Variants in MDGA2 observed in about 807,000 individuals in gnomAD.
MDGA2 encodes MAM domain containing glycosylphosphatidylinositol anchor 2.
Under a neutral mutation model 117.8 loss-of-function variants are expected in MDGA2, and 40 were observed. The observed-to-expected ratio is 0.34, with a 90% confidence interval of 0.26 to 0.44. The LOEUF (loss-of-function observed/expected upper bound fraction) is 0.44. Ranked by LOEUF, MDGA2 falls within the 20% of genes least tolerant of loss-of-function variation. The pLI is 1.00. For missense variants in MDGA2, 1,123 were observed against 1,250.6 expected, an observed-to-expected ratio of 0.90 and a Z score of 1.54; for synonymous variants, 452 against 439.0, an observed-to-expected ratio of 1.03 and a Z score of -0.37.
At position 47,337,841 on chromosome 14, in the gene MDGA2, C is replaced by T. The variant is rs141324832; in HGVS notation, c.281-36291G>A. On this transcript the variant is annotated intron_variant, in intron 1 of 16. Transcript: ENST00000399232. The stretch of plus-strand genomic sequence containing the variant: ...TAATGTATGTTTACATTAGAGGAAA[C>T]ATCAAGAAAAAAACTACATGTCACA... 3.6e-3 allele frequency among the ~76,000 whole-genome samples: 547 copies of T among 152,070 alleles called. 2 individuals carry two copies. The highest frequency in any genetic ancestry group is 0.013 in the African/African-American group (524 of 41,518).
intron 1 of MDGA2, among the ~76,000 whole-genome samples, chr14:47,482,575 T>C (rs1232113430): frequency 2.6e-5 from 4 of 152,074 alleles, no homozygotes; most frequent in Non-Finnish European, 5.9e-5. Flanking sequence ...CTAATGTTTA[T>C]TTTACAAAAT....
At chr14:47,322,386 G>C (rs1234388628) in intron 1 of MDGA2, among the ~76,000 whole-genome samples, 1 of 152,110 alleles carries the variant, frequency 6.6e-6, no homozygotes, top group Non-Finnish European at 1.5e-5. Flanking sequence ...AAGTAATTTT[G>C]TGCTATATTT....
At chr14:47,139,815 CACACATATATATACACATATATATAT>C (rs913926971) in intron 4 of MDGA2, among the ~76,000 whole-genome samples, 2 of 53,170 alleles carry the variant, frequency 3.8e-5, no homozygotes, top group African/African-American at 1.7e-4. Flanking sequence ...TATATATATA[CACACATATATATACACATATATATAT>C]ACACACATAT....
At chr14:47,561,422 T>C (rs553925818) in intron 1 of MDGA2, among the ~76,000 whole-genome samples, 1 of 152,118 alleles carries the variant, frequency 6.6e-6, no homozygotes, top group African/African-American at 2.4e-5. Context: ...GTTTTGTAAT[T>C]GTCATTATAG....
At chr14:46,872,403 T>C (rs1356820047) in intron 14 of MDGA2, among the ~76,000 whole-genome samples, 1 of 151,960 alleles carries the variant, frequency 6.6e-6, no homozygotes, top group Non-Finnish European at 1.5e-5. Flanking sequence ...CTCTTTTGCA[T>C]ACCAGAGAAA....
chr14:47,034,761 CACACA>C (rs2138645482), intron 8 of MDGA2, among the ~76,000 whole-genome samples: 1 of 149,576 alleles, frequency 6.7e-6, no homozygotes, highest in East Asian at 2.0e-4. Flanking sequence ...CACACACACA[CACACA>C]CACTAAAACA....
At chr14:47,628,322 T>G (rs1466299192) in intron 1 of MDGA2, among the ~76,000 whole-genome samples, 1 of 152,244 alleles carries the variant, frequency 6.6e-6, no homozygotes, top group African/African-American at 2.4e-5. Flanking sequence ...TTGTTTCATA[T>G]CTGCCTCTAC....
chr14:46,864,206 G>T (rs997309190), intron 14 of MDGA2, among the ~76,000 whole-genome samples: 3 of 150,870 alleles, frequency 2.0e-5, no homozygotes, highest in African/African-American at 7.3e-5. Context: ...TAGAAATATT[G>T]TATGCATTGA....
At chr14:47,321,665 A>G (rs1040319354) in intron 1 of MDGA2, among the ~76,000 whole-genome samples, 1 of 152,208 alleles carries the variant, frequency 6.6e-6, no homozygotes, top group Non-Finnish European at 1.5e-5. Context: ...CCAGAGAAAA[A>G]AGAAAAACTA....
chr14:47,477,274 CA>C (rs1299806155), intron 1 of MDGA2, among the ~76,000 whole-genome samples: 12 of 152,108 alleles, frequency 7.9e-5, no homozygotes, highest in African/African-American at 1.2e-4. Context: ...TCAATAAATA[CA>C]TTTTTTTTCA....
intron 2 of MDGA2, among the ~76,000 whole-genome samples, chr14:47,283,371 T>A (rs1221065450): frequency 6.6e-6 from 1 of 152,212 alleles, no homozygotes; most frequent in Non-Finnish European, 1.5e-5. Context: ...TTCACTCAAC[T>A]CTATTTTTTG....
intron 8 of MDGA2, among the ~76,000 whole-genome samples, chr14:46,962,183 C>G (rs1441679462): frequency 6.6e-6 from 1 of 152,140 alleles, no homozygotes; most frequent in Non-Finnish European, 1.5e-5. Flanking sequence ...AAGTGCATGA[C>G]TTGAGGCTGA....
At chr14:47,000,391 T>A (rs1280448559) in intron 8 of MDGA2, among the ~76,000 whole-genome samples, 28 of 32,824 alleles carry the variant, frequency 8.5e-4, no homozygotes, top group South Asian at 6.7e-3. Context: ...ATATATATAT[T>A]TATATATAAA....
intron 3 of MDGA2, among the ~76,000 whole-genome samples, chr14:47,168,657 T>G (rs1037947447): frequency 2.6e-5 from 4 of 152,144 alleles, no homozygotes; most frequent in African/African-American, 9.6e-5. Context: ...AAAGATAAGC[T>G]GAATGTGCTA....
chr14:47,568,384 G>A (rs1049697104), intron 1 of MDGA2, among the ~76,000 whole-genome samples: 3 of 152,094 alleles, frequency 2.0e-5, no homozygotes, highest in African/African-American at 7.2e-5. Flanking sequence ...TTTTTGACAA[G>A]TACAACTAAA....
intron 6 of MDGA2, among the ~76,000 whole-genome samples, chr14:47,067,166 T>C (rs374619293): frequency 5.9e-5 from 9 of 152,192 alleles, no homozygotes; most frequent in South Asian, 4.1e-4. Flanking sequence ...AGTTTGAAAA[T>C]TGACTATATG....
chr14:47,278,629 CT>C (rs1888380318), intron 2 of MDGA2, among the ~76,000 whole-genome samples: 1 of 152,118 alleles, frequency 6.6e-6, no homozygotes, highest in Non-Finnish European at 1.5e-5. Flanking sequence ...GATTATTTTT[CT>C]TTTTCTAGTC....
intron 1 of MDGA2, among the ~76,000 whole-genome samples, chr14:47,438,285 C>T (rs1180017979): frequency 6.6e-6 from 1 of 152,078 alleles, no homozygotes; most frequent in Non-Finnish European, 1.5e-5. Context: ...TAAGATTTTG[C>T]AATTTTGCAA....
intron 3 of MDGA2, among the ~76,000 whole-genome samples, chr14:47,217,564 G>T (rs1046064769): frequency 6.6e-6 from 1 of 151,692 alleles, no homozygotes; most frequent in Non-Finnish European, 1.5e-5. Context: ...TCATTTACAG[G>T]CCAATTCATA....
Sources: gnomAD v4.1 joint callset for allele counts (sites outside exome capture counted in the v4.1 genomes callset) on GRCh38, gnomAD v4.1.1 for gene constraint, MANE v1.5 for transcripts, NCBI Gene and HGNC (gene_info 2026-07-23, HGNC 2026-07-21) for gene names.